GRIK2: variants seen among roughly 807,000 people sequenced by gnomAD.
GRIK2 encodes glutamate ionotropic receptor kainate type subunit 2.
GRIK2 carries 32 observed loss-of-function variants against 100.3 expected under a neutral mutation model. That is an observed-to-expected ratio of 0.32 (90% CI 0.24 to 0.43). The LOEUF (loss-of-function observed/expected upper bound fraction) is 0.43. Ranked by LOEUF, GRIK2 falls within the 20% of genes least tolerant of loss-of-function variation. The pLI is 1.00. For missense variants in GRIK2, 843 were observed against 1,114.9 expected, an observed-to-expected ratio of 0.76 and a Z score of 3.47; for synonymous variants, 417 against 389.4, an observed-to-expected ratio of 1.07 and a Z score of -0.83.
chr6:101,812,342 T>A (rs1401953821), intron 9 of GRIK2, among the ~76,000 whole-genome samples: 1 of 151,898 alleles, frequency 6.6e-6, no homozygotes. Context: ...ATTTATTATA[T>A]AATTTAAAGA....
At chr6:101,777,806 C>T (rs1476785976) in intron 7 of GRIK2, among the ~76,000 whole-genome samples, 1 of 152,134 alleles carries the variant, frequency 6.6e-6, no homozygotes, top group Non-Finnish European at 1.5e-5. Context: ...GGGGACCTGC[C>T]TGCACTTACT....
chr6:101,849,163 A>G (rs190624924), intron 10 of GRIK2, among the ~76,000 whole-genome samples: 1 of 152,092 alleles, frequency 6.6e-6, no homozygotes, highest in Admixed American at 6.6e-5. Context: ...CTGTGCTTGG[A>G]TGAGAGGACT....
At chr6:101,852,088 T>G (rs1784166248) in intron 10 of GRIK2, among the ~76,000 whole-genome samples, 1 of 152,168 alleles carries the variant, frequency 6.6e-6, no homozygotes, top group South Asian at 2.1e-4. Flanking sequence ...TAGAACAGGG[T>G]TTGGCACATA....
At chr6:101,752,337 A>G (rs1237772831) in intron 7 of GRIK2, among the ~76,000 whole-genome samples, 1 of 151,924 alleles carries the variant, frequency 6.6e-6, no homozygotes, top group African/African-American at 2.4e-5. Context: ...ATTTTCCAGA[A>G]TTATCTTGTA....
chr6:101,878,804 C>T (rs961268423), intron 11 of GRIK2, among the ~76,000 whole-genome samples: 2 of 151,962 alleles, frequency 1.3e-5, no homozygotes, highest in African/African-American at 4.8e-5. Context: ...CGTAGCTCTG[C>T]CAGTGCTGGC....
chr6:101,597,269 G>A lies in GRIK2; in HGVS notation c.116-24680G>A, dbSNP rs538239389. ...GGGAAGAAAGGTTGAAAACCTGTTA[G>A]GTACTATGCTTACTACCTGGGTGAC... On this transcript the variant is annotated intron_variant, in intron 2 of 16. Transcript: ENST00000369134. Among the ~76,000 whole-genome samples the A allele has an allele frequency of 5.3e-5, 8 of 151,650 alleles. No homozygotes were observed. The South Asian group carries it at 1.7e-3, about 32-fold the overall frequency.
chr6:101,785,496 T>G (rs1779364496), intron 7 of GRIK2, among the ~76,000 whole-genome samples: 1 of 152,216 alleles, frequency 6.6e-6, no homozygotes, highest in Admixed American at 6.5e-5. Flanking sequence ...TTTTTGTATA[T>G]GATGAGAGAT....
chr6:101,685,424 G>A (rs1323441235), intron 6 of GRIK2, among the ~76,000 whole-genome samples: 1 of 152,062 alleles, frequency 6.6e-6, no homozygotes. Context: ...CCATAAGTTC[G>A]AGGGTTAGCT....
At chr6:101,872,695 C>G (rs1785511263) in intron 11 of GRIK2, among the ~76,000 whole-genome samples, 1 of 151,862 alleles carries the variant, frequency 6.6e-6, no homozygotes, top group Admixed American at 6.6e-5. Flanking sequence ...ATGTACTCAC[C>G]TCACATTGTA....
chr6:101,547,048 G>A (rs1043178103), intron 2 of GRIK2, among the ~76,000 whole-genome samples: 4 of 151,236 alleles, frequency 2.6e-5, no homozygotes, highest in African/African-American at 9.7e-5. Flanking sequence ...AGCCGGGATG[G>A]TCTCGATCTC....
At chr6:101,775,250 C>G (rs969741334) in intron 7 of GRIK2, among the ~76,000 whole-genome samples, 8 of 152,196 alleles carry the variant, frequency 5.3e-5, no homozygotes, top group Non-Finnish European at 1.2e-4. Flanking sequence ...CCAGAGAGCA[C>G]TGGTTTGGAG....
intron 7 of GRIK2, among the ~76,000 whole-genome samples, chr6:101,796,144 C>T (rs6915277): frequency 0.026 from 3,925 of 152,194 alleles, 177 homozygotes; most frequent in African/African-American, 0.089. Flanking sequence ...TCCAGCTCTA[C>T]GTCTATATGC....
intron 2 of GRIK2, among the ~76,000 whole-genome samples, chr6:101,483,122 A>G (rs1200760665): frequency 6.6e-6 from 1 of 152,186 alleles, no homozygotes; most frequent in Non-Finnish European, 1.5e-5. Flanking sequence ...TTTTTTTTAA[A>G]TCAGATATCT....
At chr6:101,619,553 T>A (rs1226141138) in intron 2 of GRIK2, among the ~76,000 whole-genome samples, 2 of 151,966 alleles carry the variant, frequency 1.3e-5, no homozygotes, top group African/African-American at 4.8e-5. Context: ...TATTGCATAC[T>A]TTTATTACAT....
intron 7 of GRIK2, among the ~76,000 whole-genome samples, chr6:101,796,559 A>G (rs942686760): frequency 2.0e-5 from 3 of 152,348 alleles, no homozygotes; most frequent in Non-Finnish European, 4.4e-5. Context: ...GTCTAAAATT[A>G]AAACCAAAAA....
intron 2 of GRIK2, among the ~76,000 whole-genome samples, chr6:101,454,642 G>A (rs576915765): frequency 1.3e-5 from 2 of 151,948 alleles, no homozygotes; most frequent in African/African-American, 4.8e-5. Context: ...CTAAACCTTT[G>A]GTCAGTCCAA....
chr6:102,046,075 A>G (rs1770871935), intron 15 of GRIK2, among the ~76,000 whole-genome samples: 1 of 152,116 alleles, frequency 6.6e-6, no homozygotes, highest in African/African-American at 2.4e-5. Context: ...AGTGAAAAAC[A>G]TTTATAGGAG....
chr6:101,840,857 A>G (rs1783450657), intron 10 of GRIK2, among the ~76,000 whole-genome samples: 1 of 152,290 alleles, frequency 6.6e-6, no homozygotes, highest in East Asian at 1.9e-4. Context: ...CAAACAAAAC[A>G]TTTTTTCACT....
chr6:101,669,080 A>G (rs1419256532), intron 4 of GRIK2, among the ~76,000 whole-genome samples: 1 of 152,196 alleles, frequency 6.6e-6, no homozygotes, highest in Admixed American at 6.6e-5. Context: ...AAATATAAGG[A>G]TAATTGCAAT....
Sources: gnomAD v4.1 joint callset for allele counts (sites outside exome capture counted in the v4.1 genomes callset) on GRCh38, gnomAD v4.1.1 for gene constraint, MANE v1.5 for transcripts, NCBI Gene and HGNC (gene_info 2026-07-23, HGNC 2026-07-21) for gene names.